TANC2: variants seen among roughly 807,000 people sequenced by gnomAD.
TANC2 encodes the protein tetratricopeptide repeat, ankyrin repeat and coiled-coil containing 2, also known as protein TANC2.
Under a neutral mutation model 210.5 loss-of-function variants are expected in TANC2, and 26 were observed. The observed-to-expected ratio is 0.12, with a 90% CI of 0.09 to 0.17. TANC2 has a LOEUF of 0.17. Ranked by LOEUF, TANC2 falls within the 10% of genes least tolerant of loss-of-function variation. The pLI is 1.00. For synonymous variants in TANC2, 931 were observed against 967.1 expected (o/e 0.96, Z 0.69); for missense variants, 2,129 against 2,608.9 (o/e 0.82, Z 4.01).
intron 7 of TANC2, among the ~76,000 whole-genome samples, chr17:63,230,849 A>G (rs181423181): frequency 2.6e-5 from 4 of 152,266 alleles, no homozygotes; most frequent in East Asian, 3.9e-4. Context: ...TTATCTGTCT[A>G]ATATTGACAT....
At chr17:63,189,982 C>G (rs2041129003) in intron 5 of TANC2, among the ~76,000 whole-genome samples, 1 of 152,028 alleles carries the variant, frequency 6.6e-6, no homozygotes, top group Non-Finnish European at 1.5e-5. Context: ...TCCAGTTGTC[C>G]CAACACCGTT....
chr17:63,027,616 A>AAT (rs1286776665), intron 2 of TANC2, among the ~76,000 whole-genome samples: 1 of 151,712 alleles, frequency 6.6e-6, no homozygotes, highest in African/African-American at 2.4e-5. Context: ...TCCTTATGAT[A>AAT]ATATAGTTAT....
intron 12 of TANC2, among the ~76,000 whole-genome samples, chr17:63,343,739 A>G (rs754677244): frequency 1.3e-5 from 2 of 151,950 alleles, no homozygotes; most frequent in African/African-American, 4.8e-5. Flanking sequence ...ACCCATCTCA[A>G]CAACAACACC....
intron 1 of TANC2, among the ~76,000 whole-genome samples, chr17:63,005,817 A>T (rs1020531481): frequency 9.9e-5 from 15 of 151,660 alleles, no homozygotes; most frequent in Non-Finnish European, 1.9e-4. Context: ...ATTTTCTTAA[A>T]TAATTTTTAT....
intron 7 of TANC2, among the ~76,000 whole-genome samples, chr17:63,207,893 T>C (rs1390968956): frequency 6.6e-6 from 1 of 152,248 alleles, no homozygotes; most frequent in Non-Finnish European, 1.5e-5. Flanking sequence ...CCATGTTTGA[T>C]ATTGTCAGGC....
intron 8 of TANC2, among the ~76,000 whole-genome samples, chr17:63,263,804 T>G (rs2043440900): frequency 6.6e-6 from 1 of 152,218 alleles, no homozygotes; most frequent in Non-Finnish European, 1.5e-5. Context: ...GCATAATGCA[T>G]TTATTGAGAA....
rs2046598099 is a variant in TANC2, at chr17:63,351,228, A to G, written c.1808-22A>G. ...TTTATCCACTTGGTAATTATTAAGT[A>G]ATGTGTTTCTTTCTATCTCAGAGAG... is the stretch of plus-strand genomic sequence containing the variant. On this transcript the variant is annotated intron_variant, in intron 12 of 27. Coordinates refer to ENST00000689528, the Ensembl canonical transcript of TANC2. The G allele has an allele frequency of 2.5e-6, 4 of 1,577,826 alleles. No homozygotes were observed. In the South Asian group the frequency reaches 3.5e-5, roughly 14 times the overall value.
intron 8 of TANC2, among the ~76,000 whole-genome samples, chr17:63,263,065 T>C (rs1383106506): frequency 6.6e-6 from 1 of 152,206 alleles, no homozygotes; most frequent in Non-Finnish European, 1.5e-5. Flanking sequence ...TAAATTCCTT[T>C]AGCTGGGTTT....
intron 1 of TANC2, among the ~76,000 whole-genome samples, chr17:62,979,118 A>G (rs775863911): frequency 1.3e-5 from 2 of 152,080 alleles, no homozygotes; most frequent in Non-Finnish European, 2.9e-5. Context: ...TTTTGTGCAG[A>G]TGAAAAGTCT....
intron 4 of TANC2, chr17:63,120,561 C>T (rs544250525): frequency 6.6e-6 from 1 of 152,122 alleles, no homozygotes; most frequent in Non-Finnish European, 1.5e-5. Context: ...TGCTTGTAAT[C>T]CCACCACTTT....
At chr17:63,251,100 T>C (rs941668169) in intron 8 of TANC2, among the ~76,000 whole-genome samples, 3 of 152,132 alleles carry the variant, frequency 2.0e-5, no homozygotes, top group Non-Finnish European at 2.9e-5. Flanking sequence ...GGTAGAGTAA[T>C]GAAAGATGAA....
chr17:63,099,747 C>T (rs1048479098), intron 4 of TANC2, among the ~76,000 whole-genome samples: 2 of 151,872 alleles, frequency 1.3e-5, no homozygotes, highest in Admixed American at 1.3e-4. Context: ...GTACATCAGT[C>T]GTATTTTATT....
At chr17:63,156,376 C>T (rs2039837423) in intron 5 of TANC2, among the ~76,000 whole-genome samples, 1 of 149,656 alleles carries the variant, frequency 6.7e-6, no homozygotes, top group South Asian at 2.1e-4. Context: ...CTCCCTTGCA[C>T]CAAATAAAAA....
chr17:63,138,808 C>G (rs1187962629), intron 4 of TANC2, among the ~76,000 whole-genome samples: 1 of 152,218 alleles, frequency 6.6e-6, no homozygotes, highest in African/African-American at 2.4e-5. Context: ...ATGATTTACT[C>G]TCACTTTAAT....
At chr17:63,143,426 A>AT (rs1322500348) in intron 4 of TANC2, among the ~76,000 whole-genome samples, 3 of 152,228 alleles carry the variant, frequency 2.0e-5, no homozygotes, top group African/African-American at 7.2e-5. Flanking sequence ...GAATGTCATA[A>AT]TTATTCTAGA....
At chr17:63,153,240 A>T (rs903918242) in intron 5 of TANC2, 1 of 152,210 alleles carries the variant, frequency 6.6e-6, no homozygotes, top group East Asian at 1.9e-4. Context: ...TTTTAGTATT[A>T]TAAAGTGAAA....
chr17:63,070,137 A>C (rs1214270950), intron 2 of TANC2, among the ~76,000 whole-genome samples: 1 of 152,192 alleles, frequency 6.6e-6, no homozygotes, highest in Admixed American at 6.5e-5. Context: ...TTAGTTTTTC[A>C]TGAAAATAGG....
intron 2 of TANC2, among the ~76,000 whole-genome samples, chr17:63,027,993 C>G (rs1363281061): frequency 3.3e-5 from 5 of 151,670 alleles, no homozygotes; most frequent in African/African-American, 1.2e-4. Context: ...GGTTAACTTA[C>G]TTTTTTCCAG....
chr17:63,399,336 C>T (rs1383594676), intron 19 of TANC2: 2 of 153,074 alleles, frequency 1.3e-5, no homozygotes, highest in Non-Finnish European at 2.9e-5. Context: ...TTTTCACCCA[C>T]ACCTCTGGCT....
Sources: allele counts gnomAD v4.1 joint callset (sites outside exome capture counted in the v4.1 genomes callset), GRCh38; gene constraint gnomAD v4.1.1; transcripts MANE v1.5; gene names NCBI Gene and HGNC (gene_info 2026-07-23, HGNC 2026-07-21).